Variants in TMIE observed in about 807,000 individuals in gnomAD.
TMIE encodes transmembrane inner ear.
In TMIE, 14 loss-of-function variants were observed where a neutral mutation model predicts 16.8. The observed-to-expected ratio is 0.83, with a 90% CI of 0.55 to 1.30. The LOEUF (loss-of-function observed/expected upper bound fraction) is 1.30. TMIE is among the 50% of genes most tolerant of loss of function. The probability of loss-of-function intolerance (pLI) is 0.00; values close to 1 mark genes in which losing one functional copy is unlikely to be tolerated. For missense variants in TMIE, 204 were observed against 205.9 expected (o/e 0.99, Z 0.06); for synonymous variants, 75 against 87.2 (o/e 0.86, Z 0.78).
rs1472645388 is a variant in TMIE, at chr3:46,709,607, G to C, written c.390G>C (p.Lys130Asn). The change falls in exon 4 of 4, where the codon AAG (lysine) becomes AAC (asparagine). Residue 130 changes from lysine to asparagine, a missense_variant. Lys to Asn is a moderately conservative substitution (Grantham distance 94). Transcript: ENST00000643606. ...ATAAGAAGAAGAAGAAGAAGAAGAAGAAGGACAGTGTGGACACAGTGGCCA... is the reference window on the plus strand; with the variant it reads ...ATAAGAAGAAGAAGAAGAAGAAGAACAAGGACAGTGTGGACACAGTGGCCA... ...GEDKKKKKKK[K>N]KDSVDTVAIK... 1.9e-6 allele frequency: 3 copies of C among 1,609,900 alleles called. No individual in the cohort carries two copies. Among genetic ancestry groups the C allele is most frequent in the East Asian group, 4.5e-5 (2 of 44,856 alleles).
At chr3:46,702,405 A>G (rs4683316) in intron 1 of TMIE, among the ~76,000 whole-genome samples, 101,946 of 151,906 alleles carry the variant, frequency 0.67, 34,694 homozygotes, top group Middle Eastern at 0.78. Context: ...GGGTGGGGCC[A>G]TCTGTAGCCT....
At chr3:46,693,874 C>G (rs1424702597), upstream of TMIE, among the ~76,000 whole-genome samples, 3 of 152,116 alleles carry the variant, frequency 2.0e-5, no homozygotes, top group Admixed American at 1.3e-4. Context: ...TGAGGCCTCC[C>G]TCTGGCGTCC....
chr3:46,700,909 T>A (rs1700461675), upstream of TMIE, among the ~76,000 whole-genome samples: 1 of 151,520 alleles, frequency 6.6e-6, no homozygotes, highest in African/African-American at 2.4e-5. Context: ...GCTCTGACCA[T>A]ACCATCCCCT....
upstream of TMIE, among the ~76,000 whole-genome samples, chr3:46,694,179 C>T (rs1170200708): frequency 6.6e-6 from 1 of 152,184 alleles, no homozygotes; most frequent in African/African-American, 2.4e-5. Context: ...CTGAGGCGCC[C>T]TGCGGCCCCC....
chr3:46,701,632 G>T lies in TMIE; in HGVS notation c.93+52G>T. 8.0e-7 allele frequency: 1 copy of T among 1,245,910 alleles called. No homozygotes were observed. Among genetic ancestry groups the T allele is most frequent in the Non-Finnish European group, 1.0e-6 (1 of 988,692 alleles). The allele number at this position is 1,245,910 out of a possible 1,614,324, so 77.2% of individuals were successfully genotyped here. ...GGAGGCTGTCACCCTCCAGGCAGGGGGCTGGGGGAGAGGGGACGCCTTTTT... is the reference window on the plus strand; with the variant it reads ...GGAGGCTGTCACCCTCCAGGCAGGGTGCTGGGGGAGAGGGGACGCCTTTTT... On this transcript the variant is annotated intron_variant, in intron 1 of 3. Transcript: ENST00000643606. This position sits in a 1 kb window ranked among gnomAD's most constrained non-coding sequence, Gnocchi z 4.3.
At chr3:46,696,723 T>G (rs998384340), upstream of TMIE, among the ~76,000 whole-genome samples, 3 of 152,178 alleles carry the variant, frequency 2.0e-5, no homozygotes, top group African/African-American at 7.2e-5. Flanking sequence ...GCTCACAGCT[T>G]CCAGTTCAGA....
chr3:46,704,452 TC>T (rs111713898), intron 1 of TMIE, among the ~76,000 whole-genome samples: 16 of 118,044 alleles, frequency 1.4e-4, no homozygotes, highest in South Asian at 3.4e-4. Context: ...CAGGACCATG[TC>T]CCCTAGACAC....
chr3:46,706,762 G>A (rs1297565823), intron 2 of TMIE, among the ~76,000 whole-genome samples: 28 of 152,216 alleles, frequency 1.8e-4, no homozygotes, highest in Admixed American at 1.8e-3. Context: ...TCCGGGAGAG[G>A]GGATGTGAGC....
At chr3:46,694,077 C>A (rs1219453885), upstream of TMIE, among the ~76,000 whole-genome samples, 3 of 152,216 alleles carry the variant, frequency 2.0e-5, no homozygotes, top group African/African-American at 7.2e-5. Context: ...GGTGCAGCCC[C>A]GTGACCTCCC....
At chr3:46,696,846 G>C (rs1414181112), upstream of TMIE, among the ~76,000 whole-genome samples, 1 of 152,178 alleles carries the variant, frequency 6.6e-6, no homozygotes, top group South Asian at 2.1e-4. Flanking sequence ...GTATGGAGGG[G>C]ACACTGTCTT....
chr3:46,698,470 A>G (rs535092779), upstream of TMIE, among the ~76,000 whole-genome samples: 1 of 152,024 alleles, frequency 6.6e-6, no homozygotes, highest in South Asian at 2.1e-4. Flanking sequence ...AAAAAAAAAT[A>G]GAGATGGCGT....
rs1449448772 is a variant in TMIE, at chr3:46,701,690, C to CCTGA, written c.93+111_93+114dup. ...AGCTTGTTTGATCCCTTACTCTTGCCCTGAGAGATCCAGTCTCCCGGGCGA... is the reference window on the plus strand; with the variant it reads ...AGCTTGTTTGATCCCTTACTCTTGCCCTGACTGAGAGATCCAGTCTCCCGGGCGA... On this transcript the variant is annotated intron_variant, in intron 1 of 3. Transcript: ENST00000643606. This position sits in a 1 kb window ranked among gnomAD's most constrained non-coding sequence, Gnocchi z 4.3. 3.4e-6 allele frequency: 3 copies of CCTGA among 893,088 alleles called. No individual in the cohort carries two copies. The Admixed American group carries it at 1.3e-4, about 39-fold the overall frequency. The allele number at this position is 893,088 out of a possible 1,614,324, so 55.3% of individuals were successfully genotyped here. A position where few individuals can be genotyped will look rare whatever the true frequency, so the allele number is the denominator to read the frequency against.
At chr3:46,704,037 G>A (rs1366825702) in intron 1 of TMIE, among the ~76,000 whole-genome samples, 1 of 152,154 alleles carries the variant, frequency 6.6e-6, no homozygotes, top group Non-Finnish European at 1.5e-5. Context: ...TCTGGTCAGG[G>A]ACAGATCTTA....
chr3:46,706,390 GCAGGAAACCCATT>G (rs1700553504), intron 2 of TMIE, among the ~76,000 whole-genome samples: 4 of 152,186 alleles, frequency 2.6e-5, no homozygotes, highest in Non-Finnish European at 2.9e-5. Flanking sequence ...TCAATTAAAA[GCAGGAAACCCATT>G]CCTCTCCTGG....
chr3:46,705,741 C>G lies in TMIE; in HGVS notation c.94-49C>G, dbSNP rs748429499. 10 of 1,553,632 alleles carry G rather than the reference C, an allele frequency of 6.4e-6. No homozygotes were observed. In the African/African-American group the frequency reaches 1.2e-4, roughly 19 times the overall value. Reference sequence around the variant, plus strand: ...GACCTGGGCCCTTCTCAGCTGGTTCCAGCCAGCTGGCCTCTGCCTAACTCA... The same window carrying G: ...GACCTGGGCCCTTCTCAGCTGGTTCGAGCCAGCTGGCCTCTGCCTAACTCA... On this transcript the variant is annotated intron_variant, in intron 1 of 3. Coordinates refer to ENST00000643606, the MANE Select transcript of TMIE (RefSeq NM_147196.3).
At chr3:46,699,638 G>A (rs1480559917), upstream of TMIE, among the ~76,000 whole-genome samples, 6 of 152,230 alleles carry the variant, frequency 3.9e-5, no homozygotes, top group African/African-American at 1.2e-4. Context: ...TGGAACCCAC[G>A]CAGAGCAGTG....
At chr3:46,703,320 G>T (rs918463701) in intron 1 of TMIE, among the ~76,000 whole-genome samples, 3 of 152,182 alleles carry the variant, frequency 2.0e-5, no homozygotes, top group African/African-American at 4.8e-5. Flanking sequence ...AGTAGGCCCA[G>T]CTCCACCCAC....
At position 46,710,137 on chromosome 3, in the gene TMIE, G is replaced by C. The variant is rs963354276; in HGVS notation, c.*449G>C. 1 of 267,482 alleles carries C rather than the reference G, an allele frequency of 3.7e-6. No homozygotes were observed. The highest frequency in any genetic ancestry group is 4.7e-5 in the Admixed American group (1 of 21,428). The allele number at this position is 267,482 out of a possible 1,614,324, so 16.6% of individuals were successfully genotyped here. On this transcript the variant is annotated 3_prime_UTR_variant, in exon 4 of 4. Coordinates refer to ENST00000643606, the MANE Select transcript of TMIE (RefSeq NM_147196.3). ...CACCCAGAGTAGCCATGAGGAGGCA[G>C]AGAGGGTCACTGGGGGACACTGTGG...
chr3:46,708,501 T>C (rs1700579210), intron 2 of TMIE, among the ~76,000 whole-genome samples: 3 of 152,238 alleles, frequency 2.0e-5, no homozygotes, highest in Admixed American at 1.3e-4. Flanking sequence ...GCCAGCTCCA[T>C]GACCTGGCCC....
Sources: gnomAD v4.1 joint callset for allele counts (sites outside exome capture counted in the v4.1 genomes callset) on GRCh38, gnomAD v4.1.1 for gene constraint, Gnocchi (gnomAD v3.1) non-coding constraint, MANE v1.5 for transcripts, NCBI Gene and HGNC (gene_info 2026-07-23, HGNC 2026-07-21) for gene names.